The following LRCH3 variants were observed in gnomAD, a reference collection of about 807,000 sequenced individuals.
LRCH3 encodes the protein DISP complex protein LRCH3.
LRCH3 carries 68 observed loss-of-function variants against 104.5 expected under a neutral mutation model. The ratio of observed to expected loss-of-function variants is 0.65; its 90% confidence interval spans 0.54 to 0.80. The LOEUF (loss-of-function observed/expected upper bound fraction) is 0.80, where lower values mean the gene tolerates loss of function less well. Ranked by LOEUF, LRCH3 falls within the 30% of genes least tolerant of loss-of-function variation. The pLI, the probability that LRCH3 is intolerant of heterozygous loss-of-function variation, is 0.00. For synonymous variants in LRCH3, 344 were observed against 361.3 expected, an observed-to-expected ratio of 0.95 and a Z score of 0.54; for missense variants, 951 against 953.9, an observed-to-expected ratio of 1.00 and a Z score of 0.04.
chr3:197,795,832 A>G (rs1412109337), intron 1 of LRCH3, among the ~76,000 whole-genome samples: 1 of 151,124 alleles, frequency 6.6e-6, no homozygotes, highest in Non-Finnish European at 1.5e-5. Context: ...AGCTGGGACT[A>G]CAGGCGCCCA....
In LRCH3 at chr3:197,831,027, G is replaced by A. The variant is rs147417082; in HGVS notation, c.981+164G>A. ...CCCTCTCCAGCAGAATTGGCATTCT[G>A]CGTCCTTACCGGCTTTCTGTCACGT... is the stretch of plus-strand genomic sequence containing the variant. On this transcript the variant is annotated intron_variant, in intron 7 of 20. Coordinates refer to ENST00000425562, the MANE Select transcript of LRCH3 (RefSeq NM_001365715.1). 3 of 563,062 alleles carry A rather than the reference G, an allele frequency of 5.3e-6. No individual in the cohort carries two copies. In the East Asian group the frequency reaches 9.5e-5, roughly 18 times the overall value. The allele number at this position is 563,062 out of a possible 1,614,324, so 34.9% of individuals were successfully genotyped here. A position where few individuals can be genotyped will look rare whatever the true frequency, so the allele number is the denominator to read the frequency against.
At chr3:197,874,216 G>A (rs573798661) in intron 19 of LRCH3, among the ~76,000 whole-genome samples, 179 of 152,250 alleles carry the variant, frequency 1.2e-3, no homozygotes, top group African/African-American at 2.3e-3. Flanking sequence ...AGCAGGAGGT[G>A]AACAGGCCAG....
intron 8 of LRCH3, among the ~76,000 whole-genome samples, chr3:197,834,250 G>T (rs1427388873): frequency 2.0e-5 from 3 of 152,016 alleles, no homozygotes. Flanking sequence ...AAATAATGGG[G>T]GATTCCCAAA....
chr3:197,809,296 T>TA lies in LRCH3; in HGVS notation c.263-5599dup, dbSNP rs750411453. Among the ~76,000 whole-genome samples the TA allele has an allele frequency of 4.4e-3, 615 of 141,202 alleles. 5 individuals carry two copies. The East Asian group carries it at 0.055, about 13-fold the overall frequency. The allele number at this position is 141,202 out of a possible 152,430, so 92.6% of individuals were successfully genotyped here. A position where few individuals can be genotyped will look rare whatever the true frequency, so the allele number is the denominator to read the frequency against. ...TGGGGTAACAGAGTGAGACCCTGTC[T>TA]AAAAAAAAAAAAAGGACTTTTTTTC... On this transcript the variant is annotated intron_variant, in intron 1 of 20. Transcript: ENST00000425562.
rs1714362549 is a variant in LRCH3, at chr3:197,887,881, C to A, written c.*4215C>A. ...CTTGCCACGTACAGAGATTTTCTGT[C>A]AGCAGTTTCCCAGTATTTCAGACTC... On this transcript the variant is annotated 3_prime_UTR_variant, in exon 21 of 21. Coordinates refer to ENST00000425562, the MANE Select transcript of LRCH3 (RefSeq NM_001365715.1). 1 of 153,836 alleles carries A rather than the reference C, an allele frequency of 6.5e-6. No individual in the cohort carries two copies. Among genetic ancestry groups the A allele is most frequent in the Non-Finnish European group, 1.5e-5 (1 of 68,786 alleles). The allele number at this position is 153,836 out of a possible 1,614,324, so 9.5% of individuals were successfully genotyped here.
chr3:197,855,530 G>T (rs1023543674), intron 14 of LRCH3, among the ~76,000 whole-genome samples: 1 of 152,114 alleles, frequency 6.6e-6, no homozygotes, highest in South Asian at 2.1e-4. Flanking sequence ...GTCCAATGTC[G>T]CATAGACAGT....
At chr3:197,842,612 T>C (rs1420345140) in intron 10 of LRCH3, among the ~76,000 whole-genome samples, 1 of 152,124 alleles carries the variant, frequency 6.6e-6, no homozygotes, top group East Asian at 1.9e-4. Flanking sequence ...CACATACATT[T>C]CTTCCCACCT....
Position 197,848,094 on chromosome 3 carries a change from T to A in LRCH3, c.1530+73T>A, listed in dbSNP as rs1739023215. On this transcript the variant is annotated intron_variant, in intron 12 of 20. Transcript: ENST00000425562. ...TTATTTGTTTGGTCAGGCCCGTTGG[T>A]TTTTATTGTCCATTAAAATGTCGAC... 3 of 1,501,452 alleles carry A rather than the reference T, an allele frequency of 2.0e-6. No individual in the cohort carries two copies. In the Admixed American group the frequency reaches 6.0e-5, roughly 30 times the overall value. 93.0% of individuals were successfully genotyped at this position (1,501,452 alleles called of 1,614,324 possible).
intron 11 of LRCH3, 53 bp from the exon 12 acceptor site, chr3:197,847,819 G>A: frequency 1.3e-6 from 2 of 1,587,650 alleles, no homozygotes; most frequent in South Asian, 1.1e-5. Flanking sequence ...GGGAATATTG[G>A]TAACGTGATC....
At chr3:197,820,891 A>G (rs1195583746) in intron 4 of LRCH3, among the ~76,000 whole-genome samples, 1 of 151,696 alleles carries the variant, frequency 6.6e-6, no homozygotes, top group Non-Finnish European at 1.5e-5. Context: ...TGTGTGTGTT[A>G]CCTCCAGTGT....
In LRCH3 at chr3:197,883,311, A is replaced by G. The variant is rs1395748775; in HGVS notation, c.2209-230A>G. On this transcript the variant is annotated intron_variant, in intron 20 of 20. Coordinates refer to ENST00000425562, the MANE Select transcript of LRCH3 (RefSeq NM_001365715.1). This position sits in a 1 kb window ranked among gnomAD's most constrained non-coding sequence, Gnocchi z 4.2. ...ATATATGCTACTTGTCAATTTTCCA[A>G]TTTTGAAAATGATCTGTATGTACTT... 40 of 1,301,982 alleles carry G rather than the reference A, an allele frequency of 3.1e-5. No homozygotes were observed. Among genetic ancestry groups the G allele is most frequent in the Non-Finnish European group, 3.4e-5 (35 of 1,023,656 alleles). 80.7% of individuals were successfully genotyped at this position (1,301,982 alleles called of 1,614,324 possible).
intron 4 of LRCH3, among the ~76,000 whole-genome samples, chr3:197,821,046 G>T (rs1734437372): frequency 6.6e-6 from 1 of 152,114 alleles, no homozygotes; most frequent in South Asian, 2.1e-4. Flanking sequence ...TCAGGGTAGG[G>T]TCCCTGGAAA....
rs530378882 is a variant in LRCH3, at chr3:197,824,720, C to T, written c.641-2158C>T. Among the ~76,000 whole-genome samples, 43 of 151,044 alleles carry T rather than the reference C, an allele frequency of 2.8e-4. 1 individual carries two copies. The highest frequency in any genetic ancestry group is 2.1e-3 in the South Asian group (10 of 4,736). On this transcript the variant is annotated intron_variant, in intron 4 of 20. Transcript: ENST00000425562. ...CCAAGTAGCTGGGATTATAGGAGCC[C>T]GCCACCACGCCTGGCTAACTTTTGT...
chr3:197,862,654 AATAAAC>A (rs1193355993), intron 15 of LRCH3, among the ~76,000 whole-genome samples: 1 of 151,966 alleles, frequency 6.6e-6, no homozygotes, highest in Non-Finnish European at 1.5e-5. Flanking sequence ...AACCCTGGAA[AATAAAC>A]ATAGTCTTTT....
At chr3:197,833,988 A>G (rs1736339957) in intron 8 of LRCH3, among the ~76,000 whole-genome samples, 1 of 152,244 alleles carries the variant, frequency 6.6e-6, no homozygotes, top group South Asian at 2.1e-4. Flanking sequence ...ATAAAACTCT[A>G]ATAACTCAAA....
Position 197,858,867 on chromosome 3 carries a change from G to T in LRCH3, c.1678G>T (p.Ala560Ser), listed in dbSNP as rs770217739. The change falls in exon 15 of 21, where the codon GCT becomes TCT. Residue 560 changes from alanine to serine, a missense_variant. Ala to Ser is a moderately conservative substitution (Grantham distance 99). Coordinates refer to ENST00000425562, the MANE Select transcript of LRCH3 (RefSeq NM_001365715.1). ...AGGGTTGAATCAAGTGGGCTGTGCTGCTACCCTGCCTCATTCTTCTGCCTT... is the reference window on the plus strand; with the variant it reads ...AGGGTTGAATCAAGTGGGCTGTGCTTCTACCCTGCCTCATTCTTCTGCCTT... ...LSGLNQVGCA[A>S]TLPHSSAFTP... 9.3e-6 allele frequency: 15 copies of T among 1,613,844 alleles called. No homozygotes were observed. The highest frequency in any genetic ancestry group is 1.3e-5 in the Non-Finnish European group (15 of 1,179,874).
chr3:197,855,575 G>A (rs987607859), intron 14 of LRCH3, among the ~76,000 whole-genome samples: 1 of 152,204 alleles, frequency 6.6e-6, no homozygotes, highest in African/African-American at 2.4e-5. Context: ...CTGTCTGGCT[G>A]ATGGGAGAAC....
intron 10 of LRCH3, among the ~76,000 whole-genome samples, chr3:197,843,000 G>A: frequency 6.6e-6 from 1 of 150,984 alleles, no homozygotes; most frequent in Non-Finnish European, 1.5e-5. Context: ...CAGGAGAATC[G>A]CTTGAACCCT....
At chr3:197,859,146 A>G (rs554871456) in intron 15 of LRCH3, 1 of 474,120 alleles carries the variant, frequency 2.1e-6, no homozygotes, top group African/African-American at 2.0e-5. Context: ...TGTCATTCTG[A>G]TTTTTTTATC....
Sources: allele counts gnomAD v4.1 joint callset (sites outside exome capture counted in the v4.1 genomes callset), GRCh38; gene constraint gnomAD v4.1.1; non-coding constraint Gnocchi (gnomAD v3.1); transcripts MANE v1.5; gene names NCBI Gene and HGNC (gene_info 2026-07-23, HGNC 2026-07-21).